The following DSC3 variants were observed in gnomAD, a reference collection of about 807,000 sequenced individuals.
DSC3 encodes the protein desmocollin 3, also known as desmocollin-3.
Under a neutral mutation model 89.5 loss-of-function variants are expected in DSC3, and 97 were observed. That is an observed-to-expected ratio of 1.08 (90% CI 0.92 to 1.28). The LOEUF (loss-of-function observed/expected upper bound fraction) is 1.28. DSC3 is among the 50% of genes most tolerant of loss of function. The pLI is 0.00. For missense variants in DSC3, 1,199 were observed against 1,085.3 expected (o/e 1.10, Z -1.47); for synonymous variants, 436 against 384.1 (o/e 1.14, Z -1.58).
Position 31,018,667 on chromosome 18 carries a change from G to T in DSC3, c.1076C>A (p.Ala359Asp), listed in dbSNP as rs771465475. 1 of 1,612,608 alleles carries T rather than the reference G, an allele frequency of 6.2e-7. No individual in the cohort carries two copies. Reference sequence around the variant, plus strand: ...CAGATTTTGATATTATATACTTACAGCATTTTGTCTGAAAGTGGGTGCATT... The same window carrying T: ...CAGATTTTGATATTATATACTTACATCATTTTGTCTGAAAGTGGGTGCATT... ...NDNAPTFRQN[A>D]YEAFVEENAF... The change falls in exon 8 of 16, where the codon GCT (alanine) becomes GAT (aspartate). Residue 359 changes from alanine (A) to aspartate (D), a missense_variant and splice_region_variant. Physicochemically the swap from Ala to Asp is moderately radical, Grantham distance 126. Transcript: ENST00000360428.
intron 4 of DSC3, among the ~76,000 whole-genome samples, chr18:31,027,966 G>A (rs1416880310): frequency 6.6e-6 from 1 of 152,074 alleles, no homozygotes; most frequent in African/African-American, 2.4e-5. Flanking sequence ...TGAGATGGGA[G>A]GCTGTTTTTA....
At chr18:31,030,926 T>C (rs776377847) in intron 3 of DSC3, 47 bp downstream of exon 3, 2 of 1,489,738 alleles carry the variant, frequency 1.3e-6, no homozygotes, top group Non-Finnish European at 1.8e-6. Flanking sequence ...TTAATAAGAG[T>C]ATTTTAATGA....
At chr18:31,028,146 T>C (rs1009289153) in intron 4 of DSC3, among the ~76,000 whole-genome samples, 1 of 152,000 alleles carries the variant, frequency 6.6e-6, no homozygotes, top group African/African-American at 2.4e-5. Flanking sequence ...AGAGAGTAAA[T>C]ATCAAGAAAC....
rs938113204 is a variant in DSC3, at chr18:30,989,721, A to G, written c.*4454T>C. On this transcript the variant is annotated 3_prime_UTR_variant, in exon 16 of 16. Transcript: ENST00000360428. ...CTGTCGAATACAGAAGCCCGTAAACATGTTCTGAATACTATTTAATTTTTC... is the reference window on the plus strand; with the variant it reads ...CTGTCGAATACAGAAGCCCGTAAACGTGTTCTGAATACTATTTAATTTTTC... Among the ~76,000 whole-genome samples, 1 of 152,226 alleles carries G rather than the reference A, an allele frequency of 6.6e-6. No individual in the cohort carries two copies.
chr18:31,002,630 GC>G (rs1439194946), intron 13 of DSC3, among the ~76,000 whole-genome samples: 1 of 150,708 alleles, frequency 6.6e-6, no homozygotes, highest in African/African-American at 2.4e-5. Context: ...AATCTGGGAG[GC>G]AGAGGTTGCA....
chr18:31,002,499 G>A (rs1598600749), intron 13 of DSC3, among the ~76,000 whole-genome samples: 1 of 151,998 alleles, frequency 6.6e-6, no homozygotes, highest in Non-Finnish European at 1.5e-5. Context: ...TCAGGAGTTC[G>A]AGACAAGACT....
intron 1 of DSC3, 25 bp from the exon 2 acceptor site, chr18:31,032,301 T>C: frequency 6.5e-7 from 1 of 1,534,640 alleles, no homozygotes; most frequent in Non-Finnish European, 9.0e-7. Flanking sequence ...GTCACATTAA[T>C]ACAGTAGAAA....
rs369913201 is a variant in DSC3, at chr18:31,038,477, T to G, written c.69+4115A>C. ...TGTTTTGTCTGTATTTTCAAGTTAA[T>G]TGGAATTATCTATTCATGTTATTTT... is the stretch of plus-strand genomic sequence containing the variant. On this transcript the variant is annotated intron_variant, in intron 1 of 15. Coordinates refer to ENST00000360428, the MANE Select transcript of DSC3 (RefSeq NM_001941.5). 9.9e-5 allele frequency among the ~76,000 whole-genome samples: 15 copies of G among 152,282 alleles called. No homozygotes were observed. In the East Asian group the frequency reaches 1.2e-3, roughly 12 times the overall value.
Position 31,031,019 on chromosome 18 carries a change from T to C in DSC3, c.308A>G (p.Lys103Arg). 3 of 1,614,106 alleles carry C rather than the reference T, an allele frequency of 1.9e-6. No individual in the cohort carries two copies. The highest frequency in any genetic ancestry group is 2.5e-6 in the Non-Finnish European group (3 of 1,179,956). ...SFTIWLSDKR[K>R]QTQKEVTVLL... ...CACAGTAACCTCTTTCTGTGTCTGT[T>C]TCCTTTTGTCAGAAAGCCATATGGT... Residue 103 changes from lysine to arginine, a missense_variant, in exon 3 of 16, where the codon AAA becomes AGA. Physicochemically the swap from Lys to Arg is conservative, Grantham distance 26. Coordinates refer to ENST00000360428, the MANE Select transcript of DSC3 (RefSeq NM_001941.5).
At position 31,036,798 on chromosome 18, in the gene DSC3, C is replaced by CTTTTTTTTTT. The variant is rs775187201; in HGVS notation, c.70-4532_70-4523dup. On this transcript the variant is annotated intron_variant, in intron 1 of 15. Coordinates refer to ENST00000360428, the MANE Select transcript of DSC3 (RefSeq NM_001941.5). ...TATTTCCTTTTTGCTTTCTTTCTTCCTTTTTTTTTTTTGAGATGGAATCTT... is the reference window on the plus strand; with the variant it reads ...TATTTCCTTTTTGCTTTCTTTCTTCCTTTTTTTTTTTTTTTTTTTTTTGAGATGGAATCTT... 3.7e-3 allele frequency among the ~76,000 whole-genome samples: 395 copies of CTTTTTTTTTT among 107,394 alleles called. 28 individuals carry two copies. Among genetic ancestry groups the CTTTTTTTTTT allele is most frequent in the African/African-American group, 0.014 (390 of 28,126 alleles). The allele number at this position is 107,394 out of a possible 152,430, so 70.5% of individuals were successfully genotyped here.
intron 5 of DSC3, 57 bp downstream of exon 5, chr18:31,025,703 C>T: frequency 6.5e-7 from 1 of 1,537,060 alleles, no homozygotes; most frequent in Non-Finnish European, 9.0e-7. Flanking sequence ...CTGGAGTAAG[C>T]ATCAGAAGAA....
At chr18:31,036,186 G>C (rs1000491306) in intron 1 of DSC3, among the ~76,000 whole-genome samples, 6 of 152,030 alleles carry the variant, frequency 3.9e-5, no homozygotes, top group African/African-American at 1.4e-4. Flanking sequence ...TTCTATTAAT[G>C]CCCCTAGCAT....
At position 31,004,590 on chromosome 18, in the gene DSC3, G is replaced by T. The variant is rs1602895; in HGVS notation, c.1889-224C>A. Reference sequence around the variant, plus strand: ...AAGGGAGCCCTAAAGAAATAATTTGGCATTGGAGTAGCCCAGTAGTATTCC... The same window carrying T: ...AAGGGAGCCCTAAAGAAATAATTTGTCATTGGAGTAGCCCAGTAGTATTCC... On this transcript the variant is annotated intron_variant, in intron 12 of 15. Transcript: ENST00000360428. Among the ~76,000 whole-genome samples, 38,493 of 151,928 alleles carry T rather than the reference G, an allele frequency of 0.25. 5,331 individuals are homozygous for T. The highest frequency in any genetic ancestry group is 0.59 in the East Asian group (3,036 of 5,146).
chr18:31,018,033 T>C (rs745721151), intron 9 of DSC3, 38 bp downstream of exon 9: 6 of 1,561,096 alleles, frequency 3.8e-6, no homozygotes, highest in Non-Finnish European at 5.3e-6. Flanking sequence ...AACTAAAACC[T>C]GTTAATTTGC....
chr18:31,008,553 T>C, intron 9 of DSC3, 28 bp from the exon 10 acceptor site: 1 of 1,612,624 alleles, frequency 6.2e-7, no homozygotes. Context: ...TGTATATCAG[T>C]GTCAGTGTAA....
At chr18:31,032,771 T>G (rs772922634) in intron 1 of DSC3, among the ~76,000 whole-genome samples, 13 of 152,154 alleles carry the variant, frequency 8.5e-5, no homozygotes, top group Non-Finnish European at 1.9e-4. Context: ...AATTTTTATA[T>G]TTTTAGTAGG....
At chr18:31,018,606 A>C in intron 8 of DSC3, 60 bp downstream of exon 8, 6 of 1,516,072 alleles carry the variant, frequency 4.0e-6, no homozygotes, top group Middle Eastern at 2.3e-4. Context: ...TTATTAATTC[A>C]GTTTAAATAA....
intron 9 of DSC3, among the ~76,000 whole-genome samples, chr18:31,010,792 T>A (rs964551140): frequency 7.9e-5 from 12 of 152,134 alleles, no homozygotes; most frequent in African/African-American, 2.7e-4. Flanking sequence ...GCTGCTCCAA[T>A]GGACAGAAGC....
intron 9 of DSC3, among the ~76,000 whole-genome samples, chr18:31,013,914 T>C (rs1985151227): frequency 6.6e-6 from 1 of 152,122 alleles, no homozygotes; most frequent in African/African-American, 2.4e-5. Context: ...TACATTTACA[T>C]TGTAGTATAT....
Sources: gnomAD v4.1 joint callset for allele counts (sites outside exome capture counted in the v4.1 genomes callset) on GRCh38, gnomAD v4.1.1 for gene constraint, MANE v1.5 for transcripts, NCBI Gene and HGNC (gene_info 2026-07-23, HGNC 2026-07-21) for gene names.